Variants in ARHGAP22 observed in about 807,000 individuals in gnomAD.
ARHGAP22 encodes the protein rho GTPase-activating protein 22.
Under a neutral mutation model 59.1 loss-of-function variants are expected in ARHGAP22, and 48 were observed. The ratio of observed to expected loss-of-function variants is 0.81; its 90% CI spans 0.64 to 1.03. The LOEUF (loss-of-function observed/expected upper bound fraction) is 1.03, where lower values mean the gene tolerates loss of function less well. ARHGAP22 is among the 50% of genes least tolerant of loss of function. The pLI, the probability that ARHGAP22 is intolerant of heterozygous loss-of-function variation, is 0.00. For missense variants in ARHGAP22, 1,015 were observed against 958.7 expected (o/e 1.06, Z -0.78); for synonymous variants, 445 against 416.4 (o/e 1.07, Z -0.84).
intron 3 of ARHGAP22, among the ~76,000 whole-genome samples, chr10:48,523,753 G>A (rs551805409): frequency 1.3e-5 from 2 of 151,978 alleles, no homozygotes; most frequent in African/African-American, 2.4e-5. Context: ...GGCCAGCCCC[G>A]GGCCCTGGAG....
chr10:48,559,581 A>G (rs1160219825), intron 2 of ARHGAP22, among the ~76,000 whole-genome samples: 1 of 152,176 alleles, frequency 6.6e-6, no homozygotes, highest in East Asian at 1.9e-4. Flanking sequence ...GAGAATGCCC[A>G]TTTCTGTATG....
chr10:48,549,561 CAGG>C (rs896050739), intron 3 of ARHGAP22, among the ~76,000 whole-genome samples: 1 of 152,096 alleles, frequency 6.6e-6, no homozygotes, highest in Admixed American at 6.5e-5. Flanking sequence ...GGTGGGAGAG[CAGG>C]AGATTTCTGC....
chr10:48,526,672 A>T (rs78907718), intron 3 of ARHGAP22, among the ~76,000 whole-genome samples: 3,656 of 152,334 alleles, frequency 0.024, 57 homozygotes, highest in Middle Eastern at 0.044. Context: ...GGAAAGCAAG[A>T]TTTAAAAGAA....
chr10:48,521,944 T>C (rs1210337644), intron 3 of ARHGAP22, among the ~76,000 whole-genome samples: 3 of 152,258 alleles, frequency 2.0e-5, no homozygotes, highest in Non-Finnish European at 2.9e-5. Context: ...TCCTTATGTC[T>C]AAGATTATTT....
At chr10:48,523,966 G>T in intron 3 of ARHGAP22, 1 of 1,285,376 alleles carries the variant, frequency 7.8e-7, no homozygotes, top group Non-Finnish European at 1.0e-6. Flanking sequence ...GGCGGCCCTG[G>T]ACACCCCGTG....
chr10:48,506,732 T>C (rs554539332), intron 3 of ARHGAP22, among the ~76,000 whole-genome samples: 1 of 152,238 alleles, frequency 6.6e-6, no homozygotes, highest in South Asian at 2.1e-4. Flanking sequence ...AAATCAATGG[T>C]GCCCTCTGGA....
intron 3 of ARHGAP22, among the ~76,000 whole-genome samples, chr10:48,495,833 C>A (rs2050867718): frequency 6.6e-6 from 1 of 152,214 alleles, no homozygotes; most frequent in African/African-American, 2.4e-5. Context: ...TTGAGGCAGG[C>A]TGCCCTGCTG....
chr10:48,602,436 A>T (rs2060440413), intron 1 of ARHGAP22, among the ~76,000 whole-genome samples: 1 of 152,310 alleles, frequency 6.6e-6, no homozygotes, highest in East Asian at 1.9e-4. Flanking sequence ...AATATATACG[A>T]GTTAAAAACA....
At chr10:48,618,560 T>C (rs2061170557) in intron 1 of ARHGAP22, among the ~76,000 whole-genome samples, 1 of 152,144 alleles carries the variant, frequency 6.6e-6, no homozygotes, top group Non-Finnish European at 1.5e-5. Context: ...TCAATAAATT[T>C]GATACATTAG....
intron 3 of ARHGAP22, among the ~76,000 whole-genome samples, chr10:48,552,272 G>C (rs1416786853): frequency 6.6e-6 from 1 of 152,266 alleles, no homozygotes; most frequent in African/African-American, 2.4e-5. Flanking sequence ...CCACAGGCCA[G>C]CACAGGCATA....
chr10:48,525,905 C>T (rs976654885), intron 3 of ARHGAP22, among the ~76,000 whole-genome samples: 2 of 152,136 alleles, frequency 1.3e-5, no homozygotes, highest in Non-Finnish European at 2.9e-5. Flanking sequence ...AAAAGGAAAG[C>T]ATAATCAGGT....
intron 1 of ARHGAP22, among the ~76,000 whole-genome samples, chr10:48,621,637 G>C (rs1032229139): frequency 3.9e-5 from 6 of 152,162 alleles, no homozygotes; most frequent in African/African-American, 7.2e-5. Context: ...GGCATGTTGG[G>C]GCATGGAGTG....
chr10:48,645,068 G>A lies in ARHGAP22; in HGVS notation c.52+7166C>T, dbSNP rs562801805. Among the ~76,000 whole-genome samples, 76 of 152,112 alleles carry A rather than the reference G, an allele frequency of 5.0e-4. 1 individual carries two copies. The highest frequency in any genetic ancestry group is 8.2e-4 in the Non-Finnish European group (56 of 67,976). On this transcript the variant is annotated intron_variant, in intron 1 of 9. Transcript: ENST00000435790. ...AATAAAAAATCAGTAATGAAAAAGG[G>A]GACATAATATCAACTCAACTGAAAT...
intron 1 of ARHGAP22, among the ~76,000 whole-genome samples, chr10:48,649,879 G>A (rs148032301): frequency 1.3e-5 from 2 of 152,146 alleles, no homozygotes; most frequent in African/African-American, 2.4e-5. Context: ...AAGCATAGCA[G>A]TACAATTGAA....
intron 3 of ARHGAP22, chr10:48,532,608 G>T (rs1009683607): frequency 6.6e-6 from 1 of 151,838 alleles, no homozygotes; most frequent in Admixed American, 6.6e-5. Context: ...TTTACATTAG[G>T]TATATCTCCT....
At chr10:48,459,183 G>T (rs1224966476) in intron 5 of ARHGAP22, among the ~76,000 whole-genome samples, 2 of 23,940 alleles carry the variant, frequency 8.4e-5, no homozygotes, top group Admixed American at 9.0e-4. Context: ...AAGCCCCCAT[G>T]ATGGGTAGGA....
chr10:48,627,738 C>T (rs1263832780), intron 1 of ARHGAP22, among the ~76,000 whole-genome samples: 3 of 152,228 alleles, frequency 2.0e-5, no homozygotes, highest in Non-Finnish European at 2.9e-5. Flanking sequence ...AAGATCCCAA[C>T]TGATAATGTG....
intron 3 of ARHGAP22, among the ~76,000 whole-genome samples, chr10:48,490,731 C>G (rs1317509586): frequency 1.3e-5 from 2 of 152,168 alleles, no homozygotes; most frequent in Non-Finnish European, 2.9e-5. Context: ...TGGGCCCATC[C>G]GTTCTCAGGC....
Position 48,451,623 on chromosome 10 carries a change from CACAT to C in ARHGAP22, c.989-487_989-484del, listed in dbSNP as rs2045959014. On this transcript the variant is annotated intron_variant, in intron 8 of 9. Transcript: ENST00000249601. ...GCCATCTTTCCTGTGTGGGGGCACA[CACAT>C]ACAATTGCACACACAATGCACCCCG... 3 of 692,998 alleles carry C rather than the reference CACAT, an allele frequency of 4.3e-6. No homozygotes were observed. In the East Asian group the frequency reaches 8.1e-5, roughly 19 times the overall value. 42.9% of individuals were successfully genotyped at this position (692,998 alleles called of 1,614,324 possible).
Sources: allele counts gnomAD v4.1 joint callset (sites outside exome capture counted in the v4.1 genomes callset), GRCh38; gene constraint gnomAD v4.1.1; transcripts MANE v1.5; gene names NCBI Gene and HGNC (gene_info 2026-07-23, HGNC 2026-07-21).